Variants in LRP1B observed in about 807,000 individuals in gnomAD.
The protein encoded by LRP1B is low-density lipoprotein receptor-related protein 1B.
In LRP1B, 217 loss-of-function variants were observed where a neutral mutation model predicts 556.6. That is an observed-to-expected ratio of 0.39 (90% confidence interval 0.35 to 0.44). The LOEUF is 0.44. Among genes scored for constraint, LRP1B ranks in the 20% least tolerant of loss-of-function variants. The pLI is 1.00. For missense variants in LRP1B, 5,053 were observed against 5,620.8 expected, an observed-to-expected ratio of 0.90 and a Z score of 3.23; for synonymous variants, 2,047 against 1,865.8, an observed-to-expected ratio of 1.10 and a Z score of -2.50.
At position 140,376,951 on chromosome 2, in the gene LRP1B, TGGCCAAGTCTATGGTCAGCG is replaced by T. The variant is rs372874732; in HGVS notation, c.10638+1209_10638+1228del. Among the ~76,000 whole-genome samples the T allele has an allele frequency of 2.4e-3, 368 of 152,266 alleles. 2 individuals are homozygous for T. Among genetic ancestry groups the T allele is most frequent in the African/African-American group, 8.0e-3 (332 of 41,560 alleles). On this transcript the variant is annotated intron_variant, in intron 68 of 90. Transcript: ENST00000389484. ...CTCCAGAGCTGCAGCGAAAATCCTC[TGGCCAAGTCTATGGTCAGCG>T]GGCGGGCATTCATGAGAGGTGAGTA...
intron 7 of LRP1B, among the ~76,000 whole-genome samples, chr2:141,113,726 A>G (rs943266473): frequency 4.1e-5 from 6 of 145,756 alleles, no homozygotes; most frequent in Non-Finnish European, 9.1e-5. Flanking sequence ...AATTATTTTA[A>G]TGTTAATTTA....
chr2:141,555,013 T>G (rs763451687), intron 2 of LRP1B, among the ~76,000 whole-genome samples: 7 of 151,994 alleles, frequency 4.6e-5, no homozygotes, highest in Non-Finnish European at 7.4e-5. Flanking sequence ...TGGTAGTGAC[T>G]GTCCCAGAAT....
chr2:141,880,235 C>T (rs1698909819), intron 1 of LRP1B, among the ~76,000 whole-genome samples: 1 of 151,906 alleles, frequency 6.6e-6, no homozygotes, highest in African/African-American at 2.4e-5. Flanking sequence ...ACTTGTCTGT[C>T]TTAGTCATTG....
chr2:141,481,985 G>A (rs1309299771), intron 2 of LRP1B, among the ~76,000 whole-genome samples: 1 of 151,866 alleles, frequency 6.6e-6, no homozygotes, highest in Non-Finnish European at 1.5e-5. Flanking sequence ...TCCTCCTCCT[G>A]AAAAAGAAAG....
chr2:142,065,823 C>A (rs974914698), intron 1 of LRP1B, among the ~76,000 whole-genome samples: 4 of 151,474 alleles, frequency 2.6e-5, no homozygotes, highest in East Asian at 3.9e-4. Context: ...TTATTTAAAT[C>A]TCATCAACTC....
At chr2:141,655,632 C>T (rs112144483) in intron 2 of LRP1B, among the ~76,000 whole-genome samples, 1 of 151,874 alleles carries the variant, frequency 6.6e-6, no homozygotes, top group Admixed American at 6.6e-5. Context: ...TTATTGCTAC[C>T]ATAAAGATAT....
intron 1 of LRP1B, among the ~76,000 whole-genome samples, chr2:142,121,757 T>C (rs542869958): frequency 6.6e-6 from 1 of 152,122 alleles, no homozygotes; most frequent in Non-Finnish European, 1.5e-5. Context: ...CCAGTTACAT[T>C]GTCTACCTTG....
intron 7 of LRP1B, among the ~76,000 whole-genome samples, chr2:141,103,581 A>G (rs1223632114): frequency 2.1e-5 from 3 of 139,584 alleles, no homozygotes; most frequent in African/African-American, 7.9e-5. Context: ...AAATTTTTCC[A>G]TAAAGAAATG....
rs1159603436 is a variant in LRP1B, at chr2:140,937,527, T to G, written c.3136+12708A>C. Among the ~76,000 whole-genome samples, 3 of 152,180 alleles carry G rather than the reference T, an allele frequency of 2.0e-5. No individual in the cohort carries two copies. In the East Asian group the frequency reaches 5.8e-4, roughly 29 times the overall value. ...CAAGATTTCTAGGTATGAAGGAGTG[T>G]TGATGCTTGTACAACAATATGAATG... On this transcript the variant is annotated intron_variant, in intron 20 of 90. Transcript: ENST00000389484.
chr2:141,160,676 A>T (rs1433256378), intron 7 of LRP1B, among the ~76,000 whole-genome samples: 1 of 152,086 alleles, frequency 6.6e-6, no homozygotes, highest in African/African-American at 2.4e-5. Flanking sequence ...TAACCATAAA[A>T]CTATACTTAT....
intron 3 of LRP1B, among the ~76,000 whole-genome samples, chr2:141,368,437 A>G (rs2105584938): frequency 6.6e-6 from 1 of 152,344 alleles, no homozygotes; most frequent in African/African-American, 2.4e-5. Context: ...GTTATACTAC[A>G]GAGGGGAAAA....
intron 3 of LRP1B, among the ~76,000 whole-genome samples, chr2:141,295,790 C>CACACACACACAT (rs963472660): frequency 1.4e-5 from 2 of 141,302 alleles, no homozygotes; most frequent in Admixed American, 7.1e-5. Flanking sequence ...CACACACACA[C>CACACACACACAT]ATAACAGTGG....
chr2:141,860,916 T>A (rs748464494), intron 1 of LRP1B, among the ~76,000 whole-genome samples: 2 of 152,162 alleles, frequency 1.3e-5, no homozygotes, highest in Non-Finnish European at 2.9e-5. Flanking sequence ...GTCTCTATAG[T>A]GTGTATTTCC....
chr2:141,161,359 T>C (rs538109607), intron 7 of LRP1B, among the ~76,000 whole-genome samples: 85 of 152,222 alleles, frequency 5.6e-4, no homozygotes, highest in African/African-American at 1.9e-3. Flanking sequence ...AAAGTAAATT[T>C]GTCAAATATC....
intron 2 of LRP1B, among the ~76,000 whole-genome samples, chr2:141,730,503 T>G (rs1181923596): frequency 2.0e-5 from 3 of 152,170 alleles, no homozygotes; most frequent in African/African-American, 7.2e-5. Context: ...CTTACTTGTC[T>G]ACATTTGAAG....
intron 32 of LRP1B, among the ~76,000 whole-genome samples, chr2:140,793,268 TTTGA>T (rs1479790656): frequency 4.6e-5 from 7 of 152,160 alleles, no homozygotes; most frequent in East Asian, 3.9e-4. Flanking sequence ...TGACTTCGAC[TTTGA>T]TTTTGATTAA....
Position 140,321,920 on chromosome 2 carries a change from TAAGGATTAATTCATTATTTACAGAA to T in LRP1B, c.12640+18_12640+42del, listed in dbSNP as rs768251951. ...TTTCACGAGGTGTGAAATTTTATGA[TAAGGATTAATTCATTATTTACAGAA>T]TAATAAAGTATACCCACCTAACAGG... On this transcript the variant is annotated intron_variant, in intron 82 of 90. Coordinates refer to ENST00000389484, the MANE Select transcript of LRP1B (RefSeq NM_018557.3). 8 of 1,560,716 alleles carry T rather than the reference TAAGGATTAATTCATTATTTACAGAA, an allele frequency of 5.1e-6. No homozygotes were observed. In the East Asian group the frequency reaches 1.6e-4, roughly 31 times the overall value.
intron 79 of LRP1B, among the ~76,000 whole-genome samples, chr2:140,333,380 G>A (rs1240275074): frequency 1.3e-5 from 2 of 151,954 alleles, no homozygotes; most frequent in African/African-American, 4.8e-5. Context: ...GATTTCATGA[G>A]GGTTAGAACT....
chr2:140,881,938 A>C (rs1339983387), intron 25 of LRP1B, among the ~76,000 whole-genome samples: 2 of 152,190 alleles, frequency 1.3e-5, no homozygotes, highest in African/African-American at 4.8e-5. Flanking sequence ...AGTTGATCCT[A>C]GCATTGTCAA....
Sources: gnomAD v4.1 joint callset for allele counts (sites outside exome capture counted in the v4.1 genomes callset) on GRCh38, gnomAD v4.1.1 for gene constraint, MANE v1.5 for transcripts, NCBI Gene and HGNC (gene_info 2026-07-23, HGNC 2026-07-21) for gene names.